Variants in DPP6 observed in about 807,000 individuals in gnomAD.
DPP6 encodes dipeptidyl peptidase like 6.
DPP6 carries 69 observed loss-of-function variants against 122.6 expected under a neutral mutation model. The ratio of observed to expected loss-of-function variants is 0.56; its 90% CI spans 0.46 to 0.69. The LOEUF (loss-of-function observed/expected upper bound fraction) is 0.69, where lower values mean the gene tolerates loss of function less well. Ranked by LOEUF, DPP6 falls within the 30% of genes least tolerant of loss-of-function variation. The probability of loss-of-function intolerance (pLI) is 0.00; values close to 1 mark genes in which losing one functional copy is unlikely to be tolerated. For missense variants in DPP6, 928 were observed against 1,116.9 expected, an observed-to-expected ratio of 0.83 and a Z score of 2.41; for synonymous variants, 418 against 433.1, an observed-to-expected ratio of 0.97 and a Z score of 0.43.
intron 16 of DPP6, among the ~76,000 whole-genome samples, chr7:154,813,507 A>G (rs968221285): frequency 6.6e-6 from 1 of 152,198 alleles, no homozygotes; most frequent in Non-Finnish European, 1.5e-5. Flanking sequence ...TAGCCACTAT[A>G]TCCACTCACT....
chr7:153,951,493 CCCT>C (rs1320796014), intron 1 of DPP6, among the ~76,000 whole-genome samples: 1 of 152,174 alleles, frequency 6.6e-6, no homozygotes, highest in African/African-American at 2.4e-5. Context: ...GAATGTGTCA[CCCT>C]CCTCAAATGG....
chr7:154,860,131 C>T (rs1321114659), intron 17 of DPP6, among the ~76,000 whole-genome samples: 4 of 152,172 alleles, frequency 2.6e-5, no homozygotes, highest in African/African-American at 9.7e-5. Context: ...CATGAAGCAA[C>T]GCCAGATGCA....
chr7:154,269,766 A>G (rs1017292004), intron 1 of DPP6, among the ~76,000 whole-genome samples: 3 of 152,194 alleles, frequency 2.0e-5, no homozygotes, highest in Non-Finnish European at 4.4e-5. Context: ...GTTCCCCAAA[A>G]TAATGAAACT....
At chr7:154,309,301 G>C (rs1806646923) in intron 1 of DPP6, among the ~76,000 whole-genome samples, 1 of 152,036 alleles carries the variant, frequency 6.6e-6, no homozygotes, top group African/African-American at 2.4e-5. Context: ...TCTTCAAGTT[G>C]TACAAATCCT....
intron 1 of DPP6, among the ~76,000 whole-genome samples, chr7:154,017,370 G>A (rs558923808): frequency 2.0e-5 from 3 of 152,200 alleles, no homozygotes; most frequent in East Asian, 1.9e-4. Flanking sequence ...CTGAGCCACC[G>A]TGCCCAGTCA....
chr7:154,735,257 T>C (rs1301495813), intron 8 of DPP6, among the ~76,000 whole-genome samples: 1 of 151,784 alleles, frequency 6.6e-6, no homozygotes, highest in African/African-American at 2.4e-5. Flanking sequence ...TTGCCACTGA[T>C]GCCTGACAGA....
At chr7:154,094,277 A>G (rs1335395632) in intron 1 of DPP6, 2 of 152,164 alleles carry the variant, frequency 1.3e-5, no homozygotes. Context: ...GGACGTTCCC[A>G]TCAACACGCG....
Position 154,714,399 on chromosome 7 carries a change from A to G in DPP6, c.763-13368A>G, listed in dbSNP as rs538339974. Among the ~76,000 whole-genome samples, 434 of 152,318 alleles carry G rather than the reference A, an allele frequency of 2.8e-3. 1 individual carries two copies. Among genetic ancestry groups the G allele is most frequent in the Non-Finnish European group, 3.6e-3 (243 of 68,022 alleles). On this transcript the variant is annotated intron_variant, in intron 7 of 25. Transcript: ENST00000377770. ...TGTATTAGTCTGTTCTCACACTGCTATGAAGAAATACCTGAGACTGGGTAG... is the reference window on the plus strand; with the variant it reads ...TGTATTAGTCTGTTCTCACACTGCTGTGAAGAAATACCTGAGACTGGGTAG...
At chr7:154,750,510 T>G (rs1337340597) in intron 8 of DPP6, among the ~76,000 whole-genome samples, 1 of 152,000 alleles carries the variant, frequency 6.6e-6, no homozygotes, top group African/African-American at 2.4e-5. Flanking sequence ...AAAACACTCT[T>G]TTCTCCTCCC....
chr7:154,244,176 A>G (rs952160333), intron 1 of DPP6, among the ~76,000 whole-genome samples: 2 of 152,150 alleles, frequency 1.3e-5, no homozygotes, highest in African/African-American at 4.8e-5. Context: ...CACGTTATAT[A>G]CAAGGAAACA....
intron 5 of DPP6, among the ~76,000 whole-genome samples, chr7:154,628,941 G>A (rs1407578903): frequency 3.9e-5 from 6 of 152,216 alleles, no homozygotes; most frequent in East Asian, 1.9e-4. Flanking sequence ...CTCATGTCAG[G>A]TGAAAGGTGT....
At chr7:154,114,883 C>T (rs1806868135) in intron 1 of DPP6, among the ~76,000 whole-genome samples, 1 of 152,174 alleles carries the variant, frequency 6.6e-6, no homozygotes, top group Non-Finnish European at 1.5e-5. Context: ...CTGGCTGTAG[C>T]CATGGGTCTC....
At chr7:154,449,313 A>G (rs935439337) in intron 2 of DPP6, among the ~76,000 whole-genome samples, 3 of 152,246 alleles carry the variant, frequency 2.0e-5, no homozygotes, top group African/African-American at 7.2e-5. Context: ...GCCAAAAAGC[A>G]TATGAAAAGA....
chr7:154,181,028 T>C (rs1018922091), intron 1 of DPP6, among the ~76,000 whole-genome samples: 1 of 152,190 alleles, frequency 6.6e-6, no homozygotes, highest in Non-Finnish European at 1.5e-5. Flanking sequence ...TTGTCAGCAG[T>C]ACTGACTCCT....
intron 5 of DPP6, among the ~76,000 whole-genome samples, chr7:154,635,396 C>T (rs576614536): frequency 6.6e-6 from 1 of 152,212 alleles, no homozygotes; most frequent in South Asian, 2.1e-4. Flanking sequence ...CAGCCCCTCA[C>T]CACCTCTGTC....
intron 1 of DPP6, among the ~76,000 whole-genome samples, chr7:154,236,853 T>C (rs1229800140): frequency 6.6e-6 from 1 of 152,038 alleles, no homozygotes; most frequent in Non-Finnish European, 1.5e-5. Context: ...GAAAGACCAG[T>C]AAAAAAATAA....
intron 6 of DPP6, among the ~76,000 whole-genome samples, chr7:154,647,836 A>C (rs1283838934): frequency 6.6e-6 from 1 of 152,160 alleles, no homozygotes; most frequent in Admixed American, 6.5e-5. Context: ...AGCTGTTGAC[A>C]TCCTGGAGGG....
intron 1 of DPP6, among the ~76,000 whole-genome samples, chr7:154,297,921 T>C (rs540731113): frequency 2.4e-4 from 37 of 152,280 alleles, no homozygotes; most frequent in Non-Finnish European, 4.7e-4. Context: ...TGGTTAGTTT[T>C]AGGTGTCAGC....
chr7:154,422,181 G>T (rs756880552), intron 1 of DPP6, among the ~76,000 whole-genome samples: 1 of 152,160 alleles, frequency 6.6e-6, no homozygotes, highest in Non-Finnish European at 1.5e-5. Context: ...TTGATCTCTT[G>T]GTCAAGCCTC....
Sources: gnomAD v4.1 joint callset for allele counts (sites outside exome capture counted in the v4.1 genomes callset) on GRCh38, gnomAD v4.1.1 for gene constraint, MANE v1.5 for transcripts, NCBI Gene and HGNC (gene_info 2026-07-23, HGNC 2026-07-21) for gene names.